Variants in CADPS2 observed in about 807,000 individuals in gnomAD.
CADPS2 encodes the protein calcium-dependent secretion activator 2.
Under a neutral mutation model 172.5 loss-of-function variants are expected in CADPS2, and 93 were observed. The ratio of observed to expected loss-of-function variants is 0.54; its 90% CI spans 0.46 to 0.64. The LOEUF is 0.64. CADPS2 is among the 30% of genes least tolerant of loss of function. The pLI is 0.00. For missense variants in CADPS2, 1,420 were observed against 1,565.9 expected (o/e 0.91, Z 1.57); for synonymous variants, 546 against 555.2 (o/e 0.98, Z 0.23).
At chr7:122,731,732 T>C (rs1390233368) in intron 2 of CADPS2, among the ~76,000 whole-genome samples, 2 of 151,566 alleles carry the variant, frequency 1.3e-5, no homozygotes, top group African/African-American at 2.4e-5. Flanking sequence ...CAAACAACAA[T>C]TAGGAACCGC....
chr7:122,645,658 G>GATATATATAT (rs71161314), intron 3 of CADPS2, among the ~76,000 whole-genome samples: 1,350 of 106,534 alleles, frequency 0.013, 20 homozygotes, highest in Non-Finnish European at 0.016. Flanking sequence ...ATATCTCTAA[G>GATATATATAT]ATATATATAT....
chr7:122,659,089 A>T (rs1315231131), intron 3 of CADPS2, among the ~76,000 whole-genome samples: 1 of 152,006 alleles, frequency 6.6e-6, no homozygotes, highest in African/African-American at 2.4e-5. Flanking sequence ...GAAGCATGTC[A>T]AAAGCACAAA....
chr7:122,855,000 T>C (rs1332219265), intron 1 of CADPS2, among the ~76,000 whole-genome samples: 1 of 152,180 alleles, frequency 6.6e-6, no homozygotes, highest in Non-Finnish European at 1.5e-5. Flanking sequence ...ATATAACCCA[T>C]AAAAGCCTTC....
In CADPS2 at chr7:122,364,452, T is replaced by G. The variant is rs954799877; in HGVS notation, c.3388-3439A>C. The stretch of plus-strand genomic sequence containing the variant: ...AAAAAAAAAAAAGAACTTGGCCAGG[T>G]GCCGTGGCTCACGGCTGAAATCCCA... On this transcript the variant is annotated intron_variant, in intron 25 of 29. Coordinates refer to ENST00000449022, the MANE Select transcript of CADPS2 (RefSeq NM_017954.11). Among the ~76,000 whole-genome samples, 10 of 141,832 alleles carry G rather than the reference T, an allele frequency of 7.1e-5. No individual in the cohort carries two copies. In the South Asian group the frequency reaches 2.2e-3, roughly 32 times the overall value. 93.0% of individuals were successfully genotyped at this position (141,832 alleles called of 152,430 possible). A position where few individuals can be genotyped will look rare whatever the true frequency, so the allele number is the denominator to read the frequency against.
chr7:122,860,321 C>T (rs1010989039), intron 1 of CADPS2, among the ~76,000 whole-genome samples: 5 of 152,186 alleles, frequency 3.3e-5, no homozygotes, highest in African/African-American at 4.8e-5. Context: ...TTCCAACTTC[C>T]GGTTCAAGTG....
At chr7:122,803,411 G>A (rs1215693747) in intron 1 of CADPS2, among the ~76,000 whole-genome samples, 1 of 152,172 alleles carries the variant, frequency 6.6e-6, no homozygotes, top group Non-Finnish European at 1.5e-5. Context: ...AGGAAGAACA[G>A]AAGAGAGAAT....
intron 2 of CADPS2, among the ~76,000 whole-genome samples, chr7:122,684,834 G>A (rs997668372): frequency 1.8e-4 from 27 of 152,188 alleles, no homozygotes; most frequent in African/African-American, 4.1e-4. Context: ...AGGATAGCAC[G>A]TTATTTACTC....
intron 2 of CADPS2, among the ~76,000 whole-genome samples, chr7:122,709,481 T>C (rs1027456532): frequency 1.3e-5 from 2 of 151,840 alleles, no homozygotes; most frequent in African/African-American, 2.4e-5. Flanking sequence ...AGTTCAACCA[T>C]TGTGGAAGCC....
chr7:122,619,275 G>C (rs2075307706), intron 5 of CADPS2, among the ~76,000 whole-genome samples: 1 of 151,908 alleles, frequency 6.6e-6, no homozygotes. Context: ...AAAGATAATG[G>C]TAGATTTGTA....
At chr7:122,780,113 C>T (rs1323161311) in intron 1 of CADPS2, among the ~76,000 whole-genome samples, 1 of 151,974 alleles carries the variant, frequency 6.6e-6, no homozygotes, top group Non-Finnish European at 1.5e-5. Flanking sequence ...AATCAGAGGT[C>T]CAAAAGAGAG....
At position 122,394,364 on chromosome 7, in the gene CADPS2, C is replaced by T. The variant is rs540609898; in HGVS notation, c.2747-782G>A. On this transcript the variant is annotated intron_variant, in intron 20 of 29. Coordinates refer to ENST00000449022, the MANE Select transcript of CADPS2 (RefSeq NM_017954.11). ...TATAGGTGAGTATATGCCTAAGTTT[C>T]ACCATTAAAAAATAGAGAATCTATA... Among the ~76,000 whole-genome samples, 20 of 152,132 alleles carry T rather than the reference C, an allele frequency of 1.3e-4. No individual in the cohort carries two copies. In the South Asian group the frequency reaches 3.1e-3, roughly 24 times the overall value.
At chr7:122,370,627 A>G (rs1428648517) in intron 25 of CADPS2, among the ~76,000 whole-genome samples, 1 of 152,192 alleles carries the variant, frequency 6.6e-6, no homozygotes, top group African/African-American at 2.4e-5. Context: ...GAAAGTGGGC[A>G]CAGAGGGCAT....
In CADPS2 at chr7:122,621,499, T is replaced by C. The variant is rs766191704; in HGVS notation, c.1086A>G (p.Val362=). ...NEIQLSKSDV[V]LSFTLEIVIM... ...TACTTACCTCTAAGGTGAATGACAG[T>C]ACCACGTCGGACTTTGACAGCTGAA... Residue 362 remains valine (V), a synonymous_variant, in exon 5 of 30, where the codon GTA becomes GTG. Transcript: ENST00000449022. The C allele has an allele frequency of 4.3e-6, 7 of 1,612,298 alleles. No homozygotes were observed. In the South Asian group the frequency reaches 7.7e-5, roughly 18 times the overall value.
intron 2 of CADPS2, chr7:122,676,750 AT>A: frequency 1.5e-6 from 2 of 1,361,504 alleles, no homozygotes; most frequent in Non-Finnish European, 2.1e-6. Flanking sequence ...GATCCAGATT[AT>A]CATGGAGAAA....
At chr7:122,781,470 C>G (rs545557545) in intron 1 of CADPS2, among the ~76,000 whole-genome samples, 2 of 152,202 alleles carry the variant, frequency 1.3e-5, no homozygotes, top group South Asian at 4.1e-4. Context: ...TTGTCTTATC[C>G]CATTTATACT....
At chr7:122,732,636 G>T (rs948237125) in intron 2 of CADPS2, among the ~76,000 whole-genome samples, 13 of 145,246 alleles carry the variant, frequency 9.0e-5, no homozygotes, top group African/African-American at 3.3e-4. Flanking sequence ...TTGGGTGGGG[G>T]TGTCTTTGTA....
intron 1 of CADPS2, among the ~76,000 whole-genome samples, chr7:122,807,962 A>ATGAC (rs1799156158): frequency 6.6e-6 from 1 of 152,242 alleles, no homozygotes. Flanking sequence ...GTAGATATAA[A>ATGAC]GTTTTCACTG....
intron 1 of CADPS2, among the ~76,000 whole-genome samples, chr7:122,874,400 A>G (rs933118565): frequency 4.6e-5 from 7 of 152,220 alleles, no homozygotes; most frequent in African/African-American, 1.7e-4. Flanking sequence ...AAACAAATGG[A>G]AAAACATTCC....
At chr7:122,336,073 TTCTC>T (rs1244466539) in intron 28 of CADPS2, among the ~76,000 whole-genome samples, 4 of 152,344 alleles carry the variant, frequency 2.6e-5, no homozygotes, top group African/African-American at 9.6e-5. Flanking sequence ...AAATTCAGGG[TTCTC>T]TCTTACAGGT....
Sources: gnomAD v4.1 joint callset for allele counts (sites outside exome capture counted in the v4.1 genomes callset) on GRCh38, gnomAD v4.1.1 for gene constraint, MANE v1.5 for transcripts, NCBI Gene and HGNC (gene_info 2026-07-23, HGNC 2026-07-21) for gene names.